The following LINGO2 variants were observed in gnomAD, a reference collection of about 807,000 sequenced individuals.
LINGO2 encodes leucine-rich repeat and immunoglobulin-like domain-containing nogo receptor-interacting protein 2.
In LINGO2, 14 loss-of-function variants were observed where a neutral mutation model predicts 30.6. That is an observed-to-expected ratio of 0.46 (90% CI 0.30 to 0.72). The LOEUF is 0.72. Among genes scored for constraint, LINGO2 ranks in the 30% least tolerant of loss-of-function variants. The probability of loss-of-function intolerance (pLI) is 0.07; values close to 1 mark genes in which losing one functional copy is unlikely to be tolerated. For synonymous variants in LINGO2, 317 were observed against 288.5 expected (o/e 1.10, Z -1.00); for missense variants, 729 against 751.7 (o/e 0.97, Z 0.35).
chr9:29,106,014 G>A, the LINGO2 span, among the ~76,000 whole-genome samples: 1 of 152,158 alleles, frequency 6.6e-6, no homozygotes, highest in African/African-American at 2.4e-5. Flanking sequence ...CTGAGCAGGA[G>A]ACCTGCTAAA....
At chr9:28,234,745 C>T (rs576184635) in intron 4 of LINGO2, among the ~76,000 whole-genome samples, 2 of 152,304 alleles carry the variant, frequency 1.3e-5, no homozygotes, top group African/African-American at 2.4e-5. Context: ...CTGTCAGCTT[C>T]CCTATTTTTG....
intron 1 of LINGO2, among the ~76,000 whole-genome samples, chr9:28,625,922 C>A (rs190944924): frequency 6.6e-5 from 10 of 152,004 alleles, no homozygotes; most frequent in Admixed American, 6.6e-4. Flanking sequence ...TGAAGACATA[C>A]ACTTTGAGTT....
intron 4 of LINGO2, among the ~76,000 whole-genome samples, chr9:28,081,656 C>T (rs1587822006): frequency 2.0e-5 from 3 of 152,126 alleles, no homozygotes; most frequent in South Asian, 4.1e-4. Context: ...GCTACTTACC[C>T]GCTGTATGAC....
chr9:28,774,592 T>TA, the LINGO2 span, among the ~76,000 whole-genome samples: 12,688 of 148,724 alleles, frequency 0.085, 578 homozygotes, highest in African/African-American at 0.1. Flanking sequence ...GCTCTGAACT[T>TA]AAAAAAAAAA....
chr9:28,242,185 AG>A (rs1821824731), intron 4 of LINGO2, among the ~76,000 whole-genome samples: 1 of 152,170 alleles, frequency 6.6e-6, no homozygotes, highest in African/African-American at 2.4e-5. Flanking sequence ...CTAAGGTAAA[AG>A]AGCATGTTCT....
chr9:28,142,944 T>C (rs1827714527), intron 4 of LINGO2, among the ~76,000 whole-genome samples: 1 of 152,218 alleles, frequency 6.6e-6, no homozygotes, highest in Non-Finnish European at 1.5e-5. Context: ...ATCAACTTCC[T>C]ATGCTGGTCT....
At chr9:28,879,550 CT>C in the LINGO2 span, among the ~76,000 whole-genome samples, 1 of 152,108 alleles carries the variant, frequency 6.6e-6, no homozygotes, top group Non-Finnish European at 1.5e-5. Flanking sequence ...AAATTTGTGC[CT>C]TTTTTTCCAG....
chr9:28,537,549 A>G (rs1461910122), intron 1 of LINGO2, among the ~76,000 whole-genome samples: 1 of 137,704 alleles, frequency 7.3e-6, no homozygotes, highest in Non-Finnish European at 1.6e-5. Context: ...AAGTAAATAG[A>G]AAAAAAAAAA....
At chr9:28,848,300 C>G in the LINGO2 span, among the ~76,000 whole-genome samples, 2 of 94,150 alleles carry the variant, frequency 2.1e-5, no homozygotes, top group African/African-American at 1.3e-4. Context: ...TATATATATA[C>G]TATATATACG....
At chr9:28,736,589 G>A in the LINGO2 span, among the ~76,000 whole-genome samples, 2 of 152,028 alleles carry the variant, frequency 1.3e-5, no homozygotes, top group East Asian at 1.9e-4. Context: ...TCAGGAGTTC[G>A]AGACCACCCT....
chr9:28,570,294 T>G (rs1223718102), intron 1 of LINGO2, among the ~76,000 whole-genome samples: 1 of 151,980 alleles, frequency 6.6e-6, no homozygotes, highest in Non-Finnish European at 1.5e-5. Context: ...TTATGAAAGT[T>G]TGTCTATATG....
At chr9:28,731,716 G>T in the LINGO2 span, among the ~76,000 whole-genome samples, 1,086 of 152,204 alleles carry the variant, frequency 7.1e-3, 9 homozygotes, top group Middle Eastern at 0.031. Context: ...TAGAATTAAA[G>T]ATACACATAT....
intron 4 of LINGO2, among the ~76,000 whole-genome samples, chr9:28,266,966 C>T (rs925540876): frequency 2.0e-5 from 3 of 151,948 alleles, no homozygotes; most frequent in Admixed American, 6.6e-5. Context: ...AAACCTGTCA[C>T]CAAAGTACAG....
rs534851914 is a variant in LINGO2, at chr9:28,637,910, G to A, written c.-365+32290C>T. Among the ~76,000 whole-genome samples the A allele has an allele frequency of 1.3e-5, 2 of 152,178 alleles. 1 individual carries two copies. Among genetic ancestry groups the A allele is most frequent in the South Asian group, 4.1e-4 (2 of 4,830 alleles). On this transcript the variant is annotated intron_variant, in intron 1 of 5. Transcript: ENST00000379992. ...TCCCTGTCTTGTGCCAGTTTTCAAA[G>A]GGAATGTTTCCAGTTTTTGCCCATT...
the LINGO2 span, among the ~76,000 whole-genome samples, chr9:28,762,143 T>C: frequency 1.3e-5 from 2 of 152,050 alleles, no homozygotes; most frequent in Non-Finnish European, 2.9e-5. Context: ...AAGTTAACTT[T>C]CCTAAACTGG....
At chr9:28,562,401 T>C (rs181039650) in intron 1 of LINGO2, among the ~76,000 whole-genome samples, 157 of 145,360 alleles carry the variant, frequency 1.1e-3, no homozygotes, top group Admixed American at 6.1e-3. Context: ...TCAAAATGAA[T>C]GTTTTCCAAG....
rs201091820 is a variant in LINGO2 at position 28,366,676 on chromosome 9, T to TAA, written c.-246+6158_-246+6159dup. ...ACAACAAATATACAAATAAACCAGT[T>TAA]AAAAAAAAAAAGAGTTACTTTCCCA... is the stretch of plus-strand genomic sequence containing the variant. On this transcript the variant is annotated intron_variant, in intron 3 of 5. Coordinates refer to ENST00000379992, the Ensembl canonical transcript of LINGO2. Among the ~76,000 whole-genome samples the TAA allele has an allele frequency of 3.5e-5, 5 of 144,458 alleles. No homozygotes were observed. The East Asian group carries it at 1.0e-3, about 29-fold the overall frequency. 94.8% of individuals were successfully genotyped at this position (144,458 alleles called of 152,430 possible). A position where few individuals can be genotyped will look rare whatever the true frequency, so the allele number is the denominator to read the frequency against.
chr9:28,833,698 G>A, the LINGO2 span, among the ~76,000 whole-genome samples: 1 of 152,044 alleles, frequency 6.6e-6, no homozygotes, highest in Non-Finnish European at 1.5e-5. Context: ...AGAGTTTGTA[G>A]GATTATTAAA....
intron 4 of LINGO2, among the ~76,000 whole-genome samples, chr9:28,217,345 A>C (rs1342418229): frequency 6.6e-6 from 1 of 151,862 alleles, no homozygotes; most frequent in African/African-American, 2.4e-5. Context: ...TATTGGGGTT[A>C]ATACACTGTT....
Sources: gnomAD v4.1 joint callset for allele counts (sites outside exome capture counted in the v4.1 genomes callset) on GRCh38, gnomAD v4.1.1 for gene constraint, MANE v1.5 for transcripts, NCBI Gene and HGNC (gene_info 2026-07-23, HGNC 2026-07-21) for gene names.